The following ITIH5 variants were observed in gnomAD, a reference collection of about 807,000 sequenced individuals.
The protein encoded by ITIH5 is inter-alpha-trypsin inhibitor heavy chain H5.
In ITIH5, 65 loss-of-function variants were observed where a neutral mutation model predicts 77.5. The observed-to-expected ratio is 0.84, with a 90% CI of 0.69 to 1.03. The LOEUF is 1.03. ITIH5 is among the 50% of genes least tolerant of loss of function. ITIH5 has a pLI of 0.00. For synonymous variants in ITIH5, 525 were observed against 494.3 expected (o/e 1.06, Z -0.82); for missense variants, 1,208 against 1,213.1 (o/e 1.00, Z 0.06).
intron 8 of ITIH5, among the ~76,000 whole-genome samples, chr10:7,583,983 T>C (rs1482557715): frequency 6.6e-6 from 1 of 152,220 alleles, no homozygotes; most frequent in Non-Finnish European, 1.5e-5. Flanking sequence ...GGACTTCCTA[T>C]GTGCCAGGAC....
In ITIH5 at chr10:7,563,316, G is replaced by C. The variant is rs1314818683; in HGVS notation, c.2596C>G (p.Pro866Ala). 9 of 1,614,222 alleles carry C rather than the reference G, an allele frequency of 5.6e-6. No homozygotes were observed. The highest frequency in any genetic ancestry group is 7.6e-6 in the Non-Finnish European group (9 of 1,180,026). The change falls in exon 14 of 14, where the codon CCT becomes GCT. Residue 866 changes from proline (P) to alanine (A), a missense_variant. Transcript: ENST00000397146. ...CCCTCTCCCACCTGAAGGAGCAGAGGGTGAGTGAGGTTCTGGCTGGGCCCT... is the reference window on the plus strand; with the variant it reads ...CCCTCTCCCACCTGAAGGAGCAGAGCGTGAGTGAGGTTCTGGCTGGGCCCT... ...PAGPSQNLTHPLLLQVGEGPE... is the reference protein window; with the variant it reads ...PAGPSQNLTHALLLQVGEGPE...
chr10:7,577,763 G>A (rs145045912), intron 9 of ITIH5, among the ~76,000 whole-genome samples: 1,852 of 152,326 alleles, frequency 0.012, 17 homozygotes, highest in South Asian at 0.022. Context: ...CTTCCTTGCT[G>A]TGTGTCTTGG....
intron 7 of ITIH5, among the ~76,000 whole-genome samples, chr10:7,593,706 C>A (rs188819586): frequency 5.8e-5 from 3 of 52,112 alleles, no homozygotes; most frequent in East Asian, 6.2e-4. Flanking sequence ...ATCCCTGCAG[C>A]CTGCAGCCAC....
rs111504589 is a variant in ITIH5 at position 7,600,331 on chromosome 10, C to T, written c.940-14262G>A. Among the ~76,000 whole-genome samples the T allele has an allele frequency of 4.7e-3, 710 of 152,274 alleles. 8 individuals carry two copies. Among genetic ancestry groups the T allele is most frequent in the African/African-American group, 0.016 (649 of 41,556 alleles). On this transcript the variant is annotated intron_variant, in intron 7 of 13. Transcript: ENST00000397146. ...TCTGACCTCTGAAACCCCATTTTCC[C>T]ACCTGGTCCCCTGAAACATGCTTCT... is the stretch of plus-strand genomic sequence containing the variant.
intron 7 of ITIH5, among the ~76,000 whole-genome samples, chr10:7,608,427 G>T (rs1289047628): frequency 6.6e-6 from 1 of 152,070 alleles, no homozygotes; most frequent in Non-Finnish European, 1.5e-5. Context: ...CTACAGATGT[G>T]GGCCATCATG....
intron 9 of ITIH5, among the ~76,000 whole-genome samples, chr10:7,577,395 T>C (rs554746276): frequency 6.6e-6 from 1 of 152,350 alleles, no homozygotes; most frequent in East Asian, 1.9e-4. Context: ...AAAACAATGC[T>C]GTGCATTCCT....
intron 7 of ITIH5, among the ~76,000 whole-genome samples, chr10:7,599,781 T>G (rs1832978872): frequency 6.6e-6 from 1 of 152,188 alleles, no homozygotes; most frequent in African/African-American, 2.4e-5. Flanking sequence ...AAACACAGCA[T>G]ATCCACAAAT....
chr10:7,571,178 G>T (rs1832289555), intron 11 of ITIH5, among the ~76,000 whole-genome samples: 2 of 152,254 alleles, frequency 1.3e-5, no homozygotes, highest in Admixed American at 6.5e-5. Context: ...AATTCAAGGT[G>T]CTGGTCTTTT....
At chr10:7,602,198 T>C (rs1165508320) in intron 7 of ITIH5, among the ~76,000 whole-genome samples, 1 of 152,152 alleles carries the variant, frequency 6.6e-6, no homozygotes, top group East Asian at 1.9e-4. Context: ...CTCTCTCCTC[T>C]TCCCTGAAGG....
chr10:7,617,353 G>T, intron 5 of ITIH5, 71 bp from the exon 6 acceptor site: 2 of 1,006,022 alleles, frequency 2.0e-6, no homozygotes, highest in Non-Finnish European at 2.7e-6. Context: ...AAACTGTTTG[G>T]CAGACACAGA....
chr10:7,630,701 GTATATTCTGGACAC>G (rs1324850443), intron 5 of ITIH5, among the ~76,000 whole-genome samples: 1 of 152,112 alleles, frequency 6.6e-6, no homozygotes, highest in African/African-American at 2.4e-5. Flanking sequence ...AGGATTCTTT[GTATATTCTGGACAC>G]TAGACTCCTA....
Position 7,561,391 on chromosome 10 carries a change from C to T in ITIH5, c.*1692G>A, listed in dbSNP as rs1383096343. The stretch of plus-strand genomic sequence containing the variant: ...ACATAATAGGAAGGCCCCGGGGAGC[C>T]TGGCCAGCTCCCTGGCTACCTCTAG... On this transcript the variant is annotated 3_prime_UTR_variant, in exon 14 of 14. Transcript: ENST00000397146. 1 of 152,334 alleles carries T rather than the reference C, an allele frequency of 6.6e-6. No individual in the cohort carries two copies. Among genetic ancestry groups the T allele is most frequent in the African/African-American group, 2.4e-5 (1 of 41,478 alleles). The allele number at this position is 152,334 out of a possible 1,614,324, so 9.4% of individuals were successfully genotyped here. A position where few individuals can be genotyped will look rare whatever the true frequency, so the allele number is the denominator to read the frequency against.
Position 7,640,625 on chromosome 10 carries a change from T to C in ITIH5, c.401+129A>G, listed in dbSNP as rs996127220. 26 of 630,820 alleles carry C rather than the reference T, an allele frequency of 4.1e-5. No homozygotes were observed. The African/African-American group carries it at 4.4e-4, about 11-fold the overall frequency. The allele number at this position is 630,820 out of a possible 1,614,324, so 39.1% of individuals were successfully genotyped here. A position where few individuals can be genotyped will look rare whatever the true frequency, so the allele number is the denominator to read the frequency against. Reference sequence around the variant, plus strand: ...CTATATTATTCACTAGATGTATTTATATTTTGATAAAAAAGAAAGAGAAAA... The same window carrying C: ...CTATATTATTCACTAGATGTATTTACATTTTGATAAAAAAGAAAGAGAAAA... On this transcript the variant is annotated intron_variant, in intron 4 of 13. Transcript: ENST00000397146.
Position 7,576,891 on chromosome 10 carries a change from T to A in ITIH5, c.1540A>T (p.Ile514Phe). Reference protein sequence around the residue: ...PNYFNGSEIIIAGKLVDRKLD... With the variant: ...PNYFNGSEIIFAGKLVDRKLD... ...TTCCTGTCCACCAGCTTCCCCGCAATGATGATCTCCGAGCCGTTGAAGTAG... is the reference window on the plus strand; with the variant it reads ...TTCCTGTCCACCAGCTTCCCCGCAAAGATGATCTCCGAGCCGTTGAAGTAG... Residue 514 changes from isoleucine (I) to phenylalanine (F), a missense_variant, in exon 10 of 14, where the codon ATT (isoleucine) becomes TTT (phenylalanine). Physicochemically the swap from Ile to Phe is conservative, Grantham distance 21. Transcript: ENST00000397146. The A allele has an allele frequency of 6.2e-7, 1 of 1,614,120 alleles. No individual in the cohort carries two copies. Among genetic ancestry groups the A allele is most frequent in the Non-Finnish European group, 8.5e-7 (1 of 1,180,006 alleles).
At chr10:7,599,416 T>A (rs1298947295) in intron 7 of ITIH5, among the ~76,000 whole-genome samples, 1 of 152,208 alleles carries the variant, frequency 6.6e-6, no homozygotes, top group African/African-American at 2.4e-5. Flanking sequence ...GTGTCTCCCA[T>A]CCGCTGTTCT....
chr10:7,631,961 ATTTT>A (rs34105815), intron 5 of ITIH5, among the ~76,000 whole-genome samples: 5 of 139,492 alleles, frequency 3.6e-5, no homozygotes, highest in Non-Finnish European at 4.7e-5. Flanking sequence ...TAATTTTTGT[ATTTT>A]TTTTTTTTTT....
At chr10:7,659,900 T>C (rs542156978) in intron 1 of ITIH5, among the ~76,000 whole-genome samples, 57 of 152,266 alleles carry the variant, frequency 3.7e-4, no homozygotes, top group African/African-American at 1.3e-3. Flanking sequence ...ATCCTTTTTA[T>C]TGTTTGAGTG....
intron 7 of ITIH5, among the ~76,000 whole-genome samples, chr10:7,590,929 G>GA (rs1832781230): frequency 6.6e-6 from 1 of 152,172 alleles, no homozygotes. Flanking sequence ...ACAGAGTCTT[G>GA]CTCTGTCACC....
intron 1 of ITIH5, among the ~76,000 whole-genome samples, chr10:7,665,205 T>C (rs747756926): frequency 6.6e-6 from 1 of 152,198 alleles, no homozygotes; most frequent in East Asian, 1.9e-4. Flanking sequence ...AGCAAGTCCA[T>C]AGACTGTGAA....
Sources: allele counts gnomAD v4.1 joint callset (sites outside exome capture counted in the v4.1 genomes callset), GRCh38; gene constraint gnomAD v4.1.1; transcripts MANE v1.5; gene names NCBI Gene and HGNC (gene_info 2026-07-23, HGNC 2026-07-21).